PDCD4: variants seen among roughly 807,000 people sequenced by gnomAD.
PDCD4 encodes programmed cell death 4.
A neutral mutation model predicts 54.0 loss-of-function variants in PDCD4; 56 were observed. That is an observed-to-expected ratio of 1.04 (90% CI 0.84 to 1.30). PDCD4 has a LOEUF of 1.30. PDCD4 is among the 50% of genes most tolerant of loss of function. PDCD4 has a pLI of 0.00. For missense variants in PDCD4, 584 were observed against 559.8 expected (o/e 1.04, Z -0.44); for synonymous variants, 186 against 194.8 (o/e 0.95, Z 0.37).
At chr10:110,883,197 A>G (rs1353071337) in intron 4 of PDCD4, 100 bp downstream of exon 4, 1 of 752,500 alleles carries the variant, frequency 1.3e-6, no homozygotes, top group Non-Finnish European at 2.2e-6. Flanking sequence ...CATATGTATA[A>G]ATGTTTTGGA....
intron 1 of PDCD4, among the ~76,000 whole-genome samples, chr10:110,873,964 A>G (rs1845463611): frequency 6.6e-6 from 1 of 152,236 alleles, no homozygotes; most frequent in South Asian, 2.1e-4. Flanking sequence ...AACAGCATTT[A>G]AAAGTTTGAA....
Position 110,894,442 on chromosome 10 carries a change from G to C in PDCD4, c.1129G>C (p.Glu377Gln). 1 of 1,572,242 alleles carries C rather than the reference G, an allele frequency of 6.4e-7. No individual in the cohort carries two copies. ...AIIMVLESTG[E>Q]STFKMILDLL... ...TATAATGGTTTTAGAGTCAACTGGA[G>C]AAAGTACATTTAAGATGATTTTGGA... The change falls in exon 10 of 12, where the codon GAA (glutamate) becomes CAA (glutamine). Residue 377 changes from glutamate to glutamine, a missense_variant. Transcript: ENST00000280154.
At chr10:110,896,540 T>C (rs1845835275) in intron 11 of PDCD4, among the ~76,000 whole-genome samples, 1 of 152,118 alleles carries the variant, frequency 6.6e-6, no homozygotes, top group South Asian at 2.1e-4. Context: ...TTAGGGCTAA[T>C]TGGATGTTCT....
At chr10:110,897,893 T>A (rs1316936338) in intron 11 of PDCD4, 135 bp from the exon 12 acceptor site, 1 of 499,180 alleles carries the variant, frequency 2.0e-6, no homozygotes, top group Non-Finnish European at 3.4e-6. Context: ...ATTAGAGGCA[T>A]GCTTTTTTTT....
At chr10:110,881,589 T>A (rs1484981595) in intron 3 of PDCD4, 54 bp downstream of exon 3, 1 of 1,484,612 alleles carries the variant, frequency 6.7e-7, no homozygotes, top group African/African-American at 1.4e-5. Flanking sequence ...AAAAAAATTG[T>A]CTGGTTCTTG....
intron 1 of PDCD4, among the ~76,000 whole-genome samples, chr10:110,874,182 C>T (rs1469538714): frequency 1.3e-5 from 2 of 152,154 alleles, no homozygotes; most frequent in Non-Finnish European, 2.9e-5. Flanking sequence ...AGGTGGAATA[C>T]CTACCCGAAG....
intron 5 of PDCD4, 103 bp from the exon 6 acceptor site, chr10:110,887,562 T>C: frequency 1.5e-6 from 1 of 686,238 alleles, no homozygotes; most frequent in South Asian, 1.9e-5. Context: ...GAGTGAGACG[T>C]AGAGATATAT....
chr10:110,873,043 C>G (rs749769519), intron 1 of PDCD4, among the ~76,000 whole-genome samples: 63 of 152,176 alleles, frequency 4.1e-4, no homozygotes, highest in Non-Finnish European at 7.9e-4. Flanking sequence ...TTGTTACAAT[C>G]TTGATATTCT....
chr10:110,872,099 T>G (rs545755878), intron 1 of PDCD4, 81 bp downstream of exon 1: 13 of 152,286 alleles, frequency 8.5e-5, no homozygotes, highest in African/African-American at 2.9e-4. Flanking sequence ...AGCCGCAAGA[T>G]GGGAGGGGGC....
chr10:110,883,472 G>A (rs187260234), intron 4 of PDCD4, among the ~76,000 whole-genome samples: 31 of 151,966 alleles, frequency 2.0e-4, no homozygotes, highest in Admixed American at 1.8e-3. Flanking sequence ...GGGGACATGC[G>A]CATCTTTCTT....
chr10:110,898,880 A>G lies in PDCD4; in HGVS notation c.*792A>G, dbSNP rs1391686042. The G allele has an allele frequency of 6.6e-6, 1 of 152,496 alleles. No homozygotes were observed. The highest frequency in any genetic ancestry group is 1.9e-4 in the East Asian group (1 of 5,200). The allele number at this position is 152,496 out of a possible 1,614,324, so 9.4% of individuals were successfully genotyped here. A position where few individuals can be genotyped will look rare whatever the true frequency, so the allele number is the denominator to read the frequency against. ...CCCTTGAAAACTTTTTTTCCCTACA[A>G]AATTTTAAGTGAAAAATACAATAGT... On this transcript the variant is annotated 3_prime_UTR_variant, in exon 12 of 12. Transcript: ENST00000280154.
At chr10:110,885,535 A>G (rs1375133127) in intron 5 of PDCD4, among the ~76,000 whole-genome samples, 169 bp downstream of exon 5, 1 of 152,082 alleles carries the variant, frequency 6.6e-6, no homozygotes, top group Non-Finnish European at 1.5e-5. Context: ...TAAAACAGTT[A>G]TATATTTGGG....
intron 10 of PDCD4, 122 bp from the exon 11 acceptor site, chr10:110,895,826 C>G: frequency 1.5e-6 from 1 of 671,128 alleles, no homozygotes. Flanking sequence ...TCAAATCTGA[C>G]TTCAGTTTAA....
chr10:110,872,651 G>C (rs924098406), intron 1 of PDCD4, among the ~76,000 whole-genome samples: 2 of 152,228 alleles, frequency 1.3e-5, no homozygotes, highest in Non-Finnish European at 2.9e-5. Flanking sequence ...TCCTCGCCGG[G>C]GGCGCTGGGA....
Position 110,886,698 on chromosome 10 carries a change from T to G in PDCD4, c.556-967T>G, listed in dbSNP as rs145623125. ...CTCTCTCCTTTGAGTATGATAGGTG[T>G]GATAATTTAATACTCAAAGGGCTAT... is the stretch of plus-strand genomic sequence containing the variant. On this transcript the variant is annotated intron_variant, in intron 5 of 11. Coordinates refer to ENST00000280154, the MANE Select transcript of PDCD4 (RefSeq NM_014456.5). Among the ~76,000 whole-genome samples, 789 of 152,240 alleles carry G rather than the reference T, an allele frequency of 5.2e-3. 8 individuals carry two copies. Among genetic ancestry groups the G allele is most frequent in the African/African-American group, 0.018 (756 of 41,554 alleles).
chr10:110,873,450 G>C (rs985678790), intron 1 of PDCD4, among the ~76,000 whole-genome samples: 1 of 152,188 alleles, frequency 6.6e-6, no homozygotes, highest in Non-Finnish European at 1.5e-5. Context: ...TATATATTTC[G>C]TGGGGGAGTG....
chr10:110,894,158 A>T lies in PDCD4; in HGVS notation c.1058A>T (p.Glu353Val), dbSNP rs1437354350. The T allele has an allele frequency of 1.2e-6, 2 of 1,606,246 alleles. No individual in the cohort carries two copies. Among genetic ancestry groups the T allele is most frequent in the Non-Finnish European group, 8.5e-7 (1 of 1,173,114 alleles). ...DISEAEHCLKELEVPHFHHEL... is the reference protein window; with the variant it reads ...DISEAEHCLKVLEVPHFHHEL... The stretch of plus-strand genomic sequence containing the variant: ...TCTGAAGCTGAACATTGCCTTAAGG[A>T]ACTGGAAGTACCTCATTTTCACCAT... Residue 353 changes from glutamate (E) to valine (V), a missense_variant, in exon 9 of 12, where the codon GAA becomes GTA. Glu to Val is a moderately radical substitution (Grantham distance 121, BLOSUM62 -2). Coordinates refer to ENST00000280154, the MANE Select transcript of PDCD4 (RefSeq NM_014456.5).
intron 3 of PDCD4, among the ~76,000 whole-genome samples, 164 bp from the exon 4 acceptor site, chr10:110,882,837 AAG>A (rs1296657311): frequency 6.6e-6 from 1 of 152,188 alleles, no homozygotes; most frequent in East Asian, 1.9e-4. Context: ...GAAATATTGA[AAG>A]AGTGGTCTGA....
chr10:110,885,679 A>G (rs1323174148), intron 5 of PDCD4, among the ~76,000 whole-genome samples: 1 of 151,860 alleles, frequency 6.6e-6, no homozygotes, highest in African/African-American at 2.4e-5. Flanking sequence ...TAATTTTAGC[A>G]GTTTGAGGGC....
Sources: allele counts gnomAD v4.1 joint callset (sites outside exome capture counted in the v4.1 genomes callset), GRCh38; gene constraint gnomAD v4.1.1; transcripts MANE v1.5; gene names NCBI Gene and HGNC (gene_info 2026-07-23, HGNC 2026-07-21).